The following PON3 variants were observed in gnomAD, a reference collection of about 807,000 sequenced individuals.
The protein encoded by PON3 is serum paraoxonase/lactonase 3.
Under a neutral mutation model 36.3 loss-of-function variants are expected in PON3, and 37 were observed. The ratio of observed to expected loss-of-function variants is 1.02; its 90% confidence interval spans 0.78 to 1.34. PON3 has a LOEUF of 1.34. PON3 is among the 40% of genes most tolerant of loss of function. The pLI is 0.00. For synonymous variants in PON3, 155 were observed against 154.8 expected (o/e 1.00, Z -0.01); for missense variants, 415 against 426.5 (o/e 0.97, Z 0.24).
chr7:95,361,277 T>C (rs1308601569), intron 8 of PON3, among the ~76,000 whole-genome samples: 1 of 152,164 alleles, frequency 6.6e-6, no homozygotes, highest in Non-Finnish European at 1.5e-5. Context: ...AAAGAAATAA[T>C]CATATTTTTA....
At chr7:95,390,570 G>A (rs1809296488) in intron 2 of PON3, among the ~76,000 whole-genome samples, 1 of 152,164 alleles carries the variant, frequency 6.6e-6, no homozygotes, top group Non-Finnish European at 1.5e-5. Context: ...TAGACTCAGT[G>A]ATAAAATCTG....
intron 3 of PON3, among the ~76,000 whole-genome samples, chr7:95,384,872 T>C (rs1371099885): frequency 6.6e-6 from 1 of 152,180 alleles, no homozygotes; most frequent in Non-Finnish European, 1.5e-5. Flanking sequence ...CAAAGGAATA[T>C]AAATCCTGCT....
chr7:95,363,757 A>G lies in PON3; in HGVS notation c.695+106T>C. 5.5e-6 allele frequency: 6 copies of G among 1,095,686 alleles called. No homozygotes were observed. In the East Asian group the frequency reaches 1.2e-4, roughly 21 times the overall value. The allele number at this position is 1,095,686 out of a possible 1,614,324, so 67.9% of individuals were successfully genotyped here. On this transcript the variant is annotated intron_variant, in intron 6 of 8. Transcript: ENST00000265627. ...CTGGCCACAACTGATCCCTCCACAC[A>G]TATATTCACTACGTAAGCCTAAGTA... is the stretch of plus-strand genomic sequence containing the variant.
intron 2 of PON3, among the ~76,000 whole-genome samples, chr7:95,392,505 A>G (rs1416924744): frequency 6.6e-6 from 1 of 152,224 alleles, no homozygotes; most frequent in Non-Finnish European, 1.5e-5. Context: ...GAATATGAAT[A>G]CTACTACACC....
At chr7:95,396,104 C>T (rs1457954894) in intron 1 of PON3, 173 bp downstream of exon 1, 2 of 720,250 alleles carry the variant, frequency 2.8e-6, no homozygotes, top group African/African-American at 3.5e-5. Context: ...ACGCAAGTAG[C>T]TCACTTTCCC....
chr7:95,366,132 T>G (rs1001765517), intron 5 of PON3, among the ~76,000 whole-genome samples: 4 of 152,158 alleles, frequency 2.6e-5, no homozygotes, highest in African/African-American at 9.7e-5. Context: ...GGGATTGTAC[T>G]CCCTAATGAA....
At chr7:95,360,749 A>G (rs1808548702) in intron 8 of PON3, among the ~76,000 whole-genome samples, 1 of 152,202 alleles carries the variant, frequency 6.6e-6, no homozygotes, top group Non-Finnish European at 1.5e-5. Flanking sequence ...GTTCACTCAA[A>G]CAAAATAAAA....
chr7:95,381,564 T>A (rs1025437168), intron 3 of PON3, among the ~76,000 whole-genome samples: 1 of 152,116 alleles, frequency 6.6e-6, no homozygotes, highest in Non-Finnish European at 1.5e-5. Flanking sequence ...TAGTCTCTGA[T>A]AAAATAGACT....
intron 1 of PON3, among the ~76,000 whole-genome samples, chr7:95,395,265 T>C (rs1424808162): frequency 6.6e-6 from 1 of 152,218 alleles, no homozygotes; most frequent in Non-Finnish European, 1.5e-5. Context: ...GGCCGATTTA[T>C]TTTTCAACAC....
intron 3 of PON3, among the ~76,000 whole-genome samples, chr7:95,383,376 T>G (rs1353662358): frequency 1.3e-5 from 2 of 152,164 alleles, no homozygotes; most frequent in Admixed American, 1.3e-4. Flanking sequence ...GAGAAAGAAA[T>G]AAAGGATATT....
intron 5 of PON3, chr7:95,364,870 C>T (rs1414608721): frequency 6.6e-6 from 1 of 151,538 alleles, no homozygotes; most frequent in Non-Finnish European, 1.5e-5. Context: ...TTCTTACAAT[C>T]CGTAAGAAAA....
chr7:95,391,421 C>G (rs980472807), intron 2 of PON3, among the ~76,000 whole-genome samples: 2 of 152,158 alleles, frequency 1.3e-5, no homozygotes, highest in Non-Finnish European at 2.9e-5. Flanking sequence ...AGCCAGATAA[C>G]GTCCTGGTTA....
At chr7:95,382,107 G>C (rs1809069848) in intron 3 of PON3, among the ~76,000 whole-genome samples, 1 of 152,162 alleles carries the variant, frequency 6.6e-6, no homozygotes, top group Admixed American at 6.5e-5. Flanking sequence ...TGACTACTGG[G>C]TACATAATGA....
At chr7:95,383,889 T>A (rs1342290852) in intron 3 of PON3, among the ~76,000 whole-genome samples, 2 of 152,322 alleles carry the variant, frequency 1.3e-5, no homozygotes, top group East Asian at 3.9e-4. Flanking sequence ...TGAGCCCGCA[T>A]TGCCAAGTCA....
intron 6 of PON3, 75 bp downstream of exon 6, chr7:95,363,788 G>T: frequency 3.5e-6 from 5 of 1,412,744 alleles, no homozygotes; most frequent in Non-Finnish European, 5.0e-6. Context: ...AAGTAAGGAA[G>T]TAACTTCCTC....
Position 95,390,226 on chromosome 7 carries a change from GA to G in PON3, c.146-18del. On this transcript the variant is annotated intron_variant, in intron 2 of 8. Coordinates refer to ENST00000265627, the MANE Select transcript of PON3 (RefSeq NM_000940.3). ...AGCCACTTTCTGCAAAAGAAGGGTA[GA>G]ATCAGAAAAATGCATATATGAAGGC... 6.3e-6 allele frequency: 10 copies of G among 1,599,448 alleles called. No individual in the cohort carries two copies. Among genetic ancestry groups the G allele is most frequent in the Non-Finnish European group, 8.6e-6 (10 of 1,167,088 alleles).
chr7:95,367,038 T>C (rs1159734517), intron 5 of PON3, among the ~76,000 whole-genome samples: 5 of 151,814 alleles, frequency 3.3e-5, no homozygotes, highest in Admixed American at 1.3e-4. Context: ...CAAAAAAGGG[T>C]GTAGGTGTTT....
At chr7:95,389,005 G>A (rs1262385878) in intron 3 of PON3, among the ~76,000 whole-genome samples, 1 of 152,028 alleles carries the variant, frequency 6.6e-6, no homozygotes, top group Non-Finnish European at 1.5e-5. Context: ...AAGTTAATAG[G>A]TATAGGAAAC....
chr7:95,396,248 C>T (rs759294763), intron 1 of PON3, 29 bp downstream of exon 1: 7 of 1,611,354 alleles, frequency 4.3e-6, no homozygotes, highest in Non-Finnish European at 5.1e-6. Context: ...GAAAGAGAGT[C>T]GAAGACGCCC....
Sources: gnomAD v4.1 joint callset for allele counts (sites outside exome capture counted in the v4.1 genomes callset) on GRCh38, gnomAD v4.1.1 for gene constraint, MANE v1.5 for transcripts, NCBI Gene and HGNC (gene_info 2026-07-23, HGNC 2026-07-21) for gene names.